The following PTPRD variants were observed in gnomAD, a reference collection of about 807,000 sequenced individuals.
PTPRD encodes protein tyrosine phosphatase receptor type D.
PTPRD carries 34 observed loss-of-function variants against 214.5 expected under a neutral mutation model. The observed-to-expected ratio is 0.16, with a 90% CI of 0.12 to 0.21. The LOEUF is 0.21. Among genes scored for constraint, PTPRD ranks in the 10% least tolerant of loss-of-function variants. PTPRD has a pLI of 1.00. For missense variants in PTPRD, 2,545 were observed against 2,398.7 expected (o/e 1.06, Z -1.27); for synonymous variants, 1,128 against 845.7 (o/e 1.33, Z -5.79).
chr9:10,462,318 G>C (rs1051056408), intron 2 of PTPRD, among the ~76,000 whole-genome samples: 3 of 151,968 alleles, frequency 2.0e-5, no homozygotes, highest in African/African-American at 7.3e-5. Flanking sequence ...GAATGTGTAG[G>C]AGTATTTTAT....
intron 5 of PTPRD, among the ~76,000 whole-genome samples, chr9:9,859,361 G>C (rs1446083343): frequency 6.6e-6 from 1 of 152,174 alleles, no homozygotes; most frequent in Non-Finnish European, 1.5e-5. Flanking sequence ...TATTGGTGTT[G>C]AGGAAGATTC....
At chr9:8,847,856 C>A (rs893239180) in intron 11 of PTPRD, among the ~76,000 whole-genome samples, 9 of 152,050 alleles carry the variant, frequency 5.9e-5, no homozygotes, top group African/African-American at 2.4e-5. Context: ...ACAAAAGTTT[C>A]TCAGATAAAA....
rs145661647 is a variant in PTPRD, at chr9:9,238,465, G to A, written c.-202-55102C>T. ...TTTTAACCCTTTGTCTCTTTTTCTT[G>A]TGTACTTAAGTGAGGAAGGCCTCGG... is the stretch of plus-strand genomic sequence containing the variant. On this transcript the variant is annotated intron_variant, in intron 9 of 45. Coordinates refer to ENST00000381196, the MANE Select transcript of PTPRD (RefSeq NM_002839.4). 2.0e-3 allele frequency among the ~76,000 whole-genome samples: 305 copies of A among 152,170 alleles called. 2 individuals carry two copies. The highest frequency in any genetic ancestry group is 6.8e-3 in the African/African-American group (281 of 41,542).
At chr9:8,656,688 G>A (rs1037207888) in intron 12 of PTPRD, among the ~76,000 whole-genome samples, 1 of 152,198 alleles carries the variant, frequency 6.6e-6, no homozygotes, top group Non-Finnish European at 1.5e-5. Context: ...AAGCTGAATT[G>A]AAATATATTT....
Position 10,578,125 on chromosome 9 carries a change from G to C in PTPRD, c.-600+34273C>G, listed in dbSNP as rs577036857. ...GGGTTTCACCTTGTTGGTTAGGTTGGTCTCAAACTCCTGACCTCAGGTGAT... is the reference window on the plus strand; with the variant it reads ...GGGTTTCACCTTGTTGGTTAGGTTGCTCTCAAACTCCTGACCTCAGGTGAT... On this transcript the variant is annotated intron_variant, in intron 2 of 45. Coordinates refer to ENST00000381196, the MANE Select transcript of PTPRD (RefSeq NM_002839.4). Among the ~76,000 whole-genome samples, 7 of 152,004 alleles carry C rather than the reference G, an allele frequency of 4.6e-5. No homozygotes were observed. In the East Asian group the frequency reaches 1.2e-3, roughly 25 times the overall value.
At chr9:10,100,567 G>A (rs530940697) in intron 3 of PTPRD, among the ~76,000 whole-genome samples, 1 of 151,770 alleles carries the variant, frequency 6.6e-6, no homozygotes, top group South Asian at 2.1e-4. Flanking sequence ...CAGGGAATAT[G>A]CAACAATGAG....
chr9:9,311,137 T>C (rs983862743), intron 9 of PTPRD, among the ~76,000 whole-genome samples: 1 of 152,078 alleles, frequency 6.6e-6, no homozygotes, highest in Non-Finnish European at 1.5e-5. Context: ...CTAGAATTTA[T>C]TGTTTGTTTA....
At chr9:8,853,950 T>C (rs1165007102) in intron 11 of PTPRD, among the ~76,000 whole-genome samples, 1 of 152,174 alleles carries the variant, frequency 6.6e-6, no homozygotes, top group African/African-American at 2.4e-5. Context: ...AAATTTGGTT[T>C]AAATCACATG....
chr9:10,454,957 G>A (rs777299827), intron 2 of PTPRD, among the ~76,000 whole-genome samples: 5 of 151,660 alleles, frequency 3.3e-5, no homozygotes, highest in Non-Finnish European at 7.4e-5. Flanking sequence ...AATTAAAGTT[G>A]AGAGGACAAA....
intron 7 of PTPRD, among the ~76,000 whole-genome samples, chr9:9,670,628 G>A (rs1472692203): frequency 1.3e-5 from 2 of 152,194 alleles, no homozygotes; most frequent in Admixed American, 1.3e-4. Flanking sequence ...CTGGTGCTGT[G>A]TGCAGCTTAG....
chr9:9,406,597 G>T (rs1322699702), intron 8 of PTPRD, among the ~76,000 whole-genome samples: 1 of 151,744 alleles, frequency 6.6e-6, no homozygotes, highest in Admixed American at 6.6e-5. Context: ...GGAGAATTTT[G>T]ATATATTTGA....
chr9:10,044,123 C>T (rs1182687056), intron 3 of PTPRD, among the ~76,000 whole-genome samples: 1 of 151,710 alleles, frequency 6.6e-6, no homozygotes, highest in Non-Finnish European at 1.5e-5. Context: ...TGGCCATCTA[C>T]TGTTGAAGAC....
intron 8 of PTPRD, among the ~76,000 whole-genome samples, chr9:9,489,349 A>C (rs1042656262): frequency 1.3e-5 from 2 of 152,194 alleles, no homozygotes; most frequent in East Asian, 3.9e-4. Flanking sequence ...TCAATTGCAA[A>C]GCTTTCAACA....
chr9:9,489,381 A>G (rs1248979815), intron 8 of PTPRD, among the ~76,000 whole-genome samples: 1 of 152,172 alleles, frequency 6.6e-6, no homozygotes, highest in Non-Finnish European at 1.5e-5. Flanking sequence ...AGACATACAA[A>G]GAGAGAGGAA....
At chr9:9,646,753 T>C (rs2096194421) in intron 7 of PTPRD, among the ~76,000 whole-genome samples, 1 of 152,202 alleles carries the variant, frequency 6.6e-6, no homozygotes. Flanking sequence ...TGTTTTTTCC[T>C]ATACATGCAT....
chr9:8,834,676 G>C (rs895987070), intron 11 of PTPRD, among the ~76,000 whole-genome samples: 4 of 152,082 alleles, frequency 2.6e-5, no homozygotes, highest in Non-Finnish European at 5.9e-5. Flanking sequence ...CTATTTCAGA[G>C]ACAAAGAAAG....
chr9:8,605,877 G>A (rs184077639), intron 14 of PTPRD, among the ~76,000 whole-genome samples: 66 of 152,256 alleles, frequency 4.3e-4, no homozygotes, highest in African/African-American at 1.5e-3. Context: ...TCTCTGATAC[G>A]ATTTGTAGCA....
chr9:9,330,165 T>C (rs1469505300), intron 9 of PTPRD, among the ~76,000 whole-genome samples: 1 of 152,150 alleles, frequency 6.6e-6, no homozygotes, highest in Non-Finnish European at 1.5e-5. Context: ...GCTTCTCTTT[T>C]CTCCTTATCT....
At chr9:10,165,645 T>C (rs2099154440) in intron 3 of PTPRD, among the ~76,000 whole-genome samples, 1 of 151,708 alleles carries the variant, frequency 6.6e-6, no homozygotes, top group African/African-American at 2.4e-5. Flanking sequence ...ATGGCCAAAA[T>C]GAGCATTGCA....
Sources: gnomAD v4.1 joint callset for allele counts (sites outside exome capture counted in the v4.1 genomes callset) on GRCh38, gnomAD v4.1.1 for gene constraint, MANE v1.5 for transcripts, NCBI Gene and HGNC (gene_info 2026-07-23, HGNC 2026-07-21) for gene names.